The following SETBP1 variants were observed in gnomAD, a reference collection of about 807,000 sequenced individuals.
SETBP1 encodes SET binding protein 1.
A neutral mutation model predicts 101.0 loss-of-function variants in SETBP1; 9 were observed. The observed-to-expected ratio is 0.09, with a 90% CI of 0.05 to 0.16. The LOEUF is 0.16. Ranked by LOEUF, SETBP1 falls within the 10% of genes least tolerant of loss-of-function variation. The probability of loss-of-function intolerance (pLI) is 1.00; values close to 1 mark genes in which losing one functional copy is unlikely to be tolerated. For missense variants in SETBP1, 1,858 were observed against 2,033.8 expected (o/e 0.91, Z 1.66); for synonymous variants, 818 against 788.5 (o/e 1.04, Z -0.63).
chr18:44,744,351 C>T lies in SETBP1; in HGVS notation c.486+42519C>T, dbSNP rs560420005. ...CAACCCGTTGTTCTGCAGCTGATAA[C>T]CGGATTAGGCAGCAGAATGGGGCAG... On this transcript the variant is annotated intron_variant, in intron 2 of 5. Coordinates refer to ENST00000649279, the MANE Select transcript of SETBP1 (RefSeq NM_015559.3). 3.9e-5 allele frequency among the ~76,000 whole-genome samples: 6 copies of T among 152,354 alleles called. No homozygotes were observed. In the South Asian group the frequency reaches 1.2e-3, roughly 32 times the overall value.
In SETBP1 at chr18:44,850,051, G is replaced by A. The variant is rs190365635; in HGVS notation, c.487-19179G>A. ...AATTGTTCCTGAATCTTCCCCCTTG[G>A]CTCTCACCTCCAAAACTTGATCATT... On this transcript the variant is annotated intron_variant, in intron 2 of 5. Coordinates refer to ENST00000649279, the MANE Select transcript of SETBP1 (RefSeq NM_015559.3). 4.7e-4 allele frequency among the ~76,000 whole-genome samples: 71 copies of A among 152,064 alleles called. No individual in the cohort carries two copies. In the East Asian group the frequency reaches 0.012, roughly 25 times the overall value.
chr18:44,778,307 C>G (rs1473655215), intron 2 of SETBP1, among the ~76,000 whole-genome samples: 1 of 152,206 alleles, frequency 6.6e-6, no homozygotes, highest in East Asian at 1.9e-4. Context: ...TTCTCAAAAA[C>G]CTGGAGCTAG....
At chr18:44,752,717 G>T (rs1193185424) in intron 2 of SETBP1, among the ~76,000 whole-genome samples, 1 of 152,132 alleles carries the variant, frequency 6.6e-6, no homozygotes, top group Non-Finnish European at 1.5e-5. Context: ...TACAAAGAAG[G>T]TTTGTAGGAA....
intron 2 of SETBP1, among the ~76,000 whole-genome samples, chr18:44,825,100 G>C (rs1407653434): frequency 1.3e-5 from 2 of 152,334 alleles, no homozygotes; most frequent in Non-Finnish European, 2.9e-5. Flanking sequence ...CCACCTGGGG[G>C]CATTAAGGTT....
intron 2 of SETBP1, chr18:44,732,683 T>C (rs2069863408): frequency 6.6e-6 from 1 of 152,166 alleles, no homozygotes; most frequent in Non-Finnish European, 1.5e-5. Context: ...CTTAGAACAG[T>C]AAACAAGAAC....
At chr18:44,936,982 C>G (rs2070972427) in intron 3 of SETBP1, among the ~76,000 whole-genome samples, 1 of 152,160 alleles carries the variant, frequency 6.6e-6, no homozygotes, top group Non-Finnish European at 1.5e-5. Context: ...GAGGTACTCC[C>G]TGGTTAATGT....
At chr18:44,788,297 T>C (rs572255968) in intron 2 of SETBP1, among the ~76,000 whole-genome samples, 23 of 152,106 alleles carry the variant, frequency 1.5e-4, no homozygotes, top group African/African-American at 4.8e-4. Flanking sequence ...AGAGGGAAGG[T>C]ATATTTTGGG....
chr18:44,908,028 A>G (rs9944845), intron 3 of SETBP1, among the ~76,000 whole-genome samples: 58,782 of 151,606 alleles, frequency 0.39, 11,442 homozygotes, highest in Middle Eastern at 0.45. Flanking sequence ...GCAGGGCTCC[A>G]GCTCTTCTTC....
At chr18:44,771,757 C>T (rs1199350813) in intron 2 of SETBP1, among the ~76,000 whole-genome samples, 3 of 152,098 alleles carry the variant, frequency 2.0e-5, no homozygotes, top group Non-Finnish European at 4.4e-5. Flanking sequence ...CCACTCTTAT[C>T]AAAATCAACG....
At chr18:44,796,431 A>G (rs1403183830) in intron 2 of SETBP1, among the ~76,000 whole-genome samples, 2 of 152,214 alleles carry the variant, frequency 1.3e-5, no homozygotes, top group Non-Finnish European at 2.9e-5. Flanking sequence ...CACTGAATGC[A>G]CGTAAGAATG....
intron 3 of SETBP1, among the ~76,000 whole-genome samples, chr18:44,879,490 T>A (rs2069482581): frequency 6.6e-6 from 1 of 152,208 alleles, no homozygotes; most frequent in African/African-American, 2.4e-5. Flanking sequence ...GTTACTCTTA[T>A]AAATTACATA....
intron 2 of SETBP1, among the ~76,000 whole-genome samples, chr18:44,813,973 A>G (rs561544914): frequency 1.3e-5 from 2 of 152,322 alleles, no homozygotes; most frequent in South Asian, 4.1e-4. Context: ...GTTCCGTGAT[A>G]GAGTCCAAGT....
At chr18:45,041,394 A>C (rs2073505411) in intron 5 of SETBP1, among the ~76,000 whole-genome samples, 1 of 152,202 alleles carries the variant, frequency 6.6e-6, no homozygotes, top group South Asian at 2.1e-4. Context: ...TTTCTGATGA[A>C]ACAACTCACT....
intron 2 of SETBP1, among the ~76,000 whole-genome samples, chr18:44,733,522 T>A (rs1485404795): frequency 1.3e-5 from 2 of 152,112 alleles, no homozygotes; most frequent in Admixed American, 1.3e-4. Flanking sequence ...CTTTCCTAAC[T>A]CCACCAGGCC....
At chr18:44,705,434 G>A (rs917869965) in intron 2 of SETBP1, among the ~76,000 whole-genome samples, 3 of 152,132 alleles carry the variant, frequency 2.0e-5, no homozygotes, top group African/African-American at 7.2e-5. Flanking sequence ...AGGACATAGA[G>A]TTTCAGGATA....
chr18:44,717,033 A>T (rs1450351926), intron 2 of SETBP1, among the ~76,000 whole-genome samples: 1 of 152,164 alleles, frequency 6.6e-6, no homozygotes, highest in Admixed American at 6.5e-5. Flanking sequence ...CCGCAATGTG[A>T]TGTTACTATC....
chr18:45,063,522 C>T lies in SETBP1; in HGVS notation c.4615C>T (p.Pro1539Ser). The stretch of plus-strand genomic sequence containing the variant: ...GCCGCCACCGCCGCCACCACCCCTG[C>T]CCCCGCCACCCCCTCTACCCAAGAC... The part of the protein sequence containing the change: ...PLPPPPPPPL[P>S]PPPPLPKTPR... Residue 1539 changes from proline to serine, a missense_variant, in exon 6 of 6, where the codon CCC becomes TCC. Around this residue, in one of 12 missense-constraint regions of SETBP1, gnomAD observed 178 missense variants for 189.1 expected, o/e 0.94. Transcript: ENST00000649279. 5 of 1,248,568 alleles carry T rather than the reference C, an allele frequency of 4.0e-6. No individual in the cohort carries two copies. Among genetic ancestry groups the T allele is most frequent in the East Asian group, 3.0e-5 (1 of 33,424 alleles). 77.3% of individuals were successfully genotyped at this position (1,248,568 alleles called of 1,614,324 possible). A position where few individuals can be genotyped will look rare whatever the true frequency, so the allele number is the denominator to read the frequency against.
chr18:44,802,753 A>G (rs1376974814), intron 2 of SETBP1, among the ~76,000 whole-genome samples: 1 of 152,150 alleles, frequency 6.6e-6, no homozygotes, highest in Non-Finnish European at 1.5e-5. Flanking sequence ...TACTTAATGA[A>G]TTATTCAGGT....
chr18:44,809,942 C>T (rs568746083), intron 2 of SETBP1, among the ~76,000 whole-genome samples: 5 of 152,318 alleles, frequency 3.3e-5, no homozygotes, highest in Admixed American at 2.0e-4. Context: ...GAGACCACCA[C>T]GTTCTCCAGG....
Sources: gnomAD v4.1 joint callset for allele counts (sites outside exome capture counted in the v4.1 genomes callset) on GRCh38, gnomAD v4.1.1 for gene constraint, gnomAD v4.1.1 regional missense constraint, MANE v1.5 for transcripts, NCBI Gene and HGNC (gene_info 2026-07-23, HGNC 2026-07-21) for gene names.